Variants in DPYD observed in about 807,000 individuals in gnomAD.
DPYD encodes the protein dihydropyrimidine dehydrogenase [NADP(+)].
DPYD carries 109 observed loss-of-function variants against 116.2 expected under a neutral mutation model. That is an observed-to-expected ratio of 0.94 (90% confidence interval 0.80 to 1.10). The LOEUF (loss-of-function observed/expected upper bound fraction) is 1.10. Among genes scored for constraint, DPYD ranks in the 50% least tolerant of loss-of-function variants. The pLI, the probability that DPYD is intolerant of heterozygous loss-of-function variation, is 0.00. For synonymous variants in DPYD, 440 were observed against 432.0 expected (o/e 1.02, Z -0.23); for missense variants, 1,302 against 1,254.5 (o/e 1.04, Z -0.57).
chr1:97,153,983 A>AAAAG (rs1655232815), intron 20 of DPYD, among the ~76,000 whole-genome samples: 3 of 151,998 alleles, frequency 2.0e-5, no homozygotes, highest in Admixed American at 2.0e-4. Context: ...CAAAAAAAAA[A>AAAAG]AAAAAAGATG....
chr1:97,750,949 A>G (rs1664844057), intron 3 of DPYD, among the ~76,000 whole-genome samples: 1 of 152,164 alleles, frequency 6.6e-6, no homozygotes, highest in Admixed American at 6.5e-5. Context: ...TAAAGCTACC[A>G]TAAAAAAGGG....
rs1671126317 is a variant in DPYD, at chr1:97,367,991, AAT to A, written c.2058+5568_2058+5569del. Among the ~76,000 whole-genome samples the A allele has an allele frequency of 3.3e-5, 5 of 152,264 alleles. No individual in the cohort carries two copies. In the South Asian group the frequency reaches 1.0e-3, roughly 32 times the overall value. On this transcript the variant is annotated intron_variant, in intron 16 of 22. Transcript: ENST00000370192. Reference sequence around the variant, plus strand: ...CTCATGGAAAGTTTGATTGACTGATAATATACACCCAGCTCATGAATTAGAAT... The same window carrying A: ...CTCATGGAAAGTTTGATTGACTGATAATACACCCAGCTCATGAATTAGAAT...
At chr1:97,377,798 C>T (rs1376428834) in intron 15 of DPYD, among the ~76,000 whole-genome samples, 1 of 152,134 alleles carries the variant, frequency 6.6e-6, no homozygotes, top group Non-Finnish European at 1.5e-5. Flanking sequence ...ATTTGAGGAG[C>T]CATGAGGGCC....
intron 20 of DPYD, among the ~76,000 whole-genome samples, chr1:97,181,876 A>G (rs1657671203): frequency 6.6e-6 from 1 of 151,874 alleles, no homozygotes; most frequent in Non-Finnish European, 1.5e-5. Flanking sequence ...CTTTAGATAG[A>G]GGATTTCTCT....
intron 13 of DPYD, among the ~76,000 whole-genome samples, chr1:97,515,309 A>G (rs758892711): frequency 1.2e-4 from 18 of 151,936 alleles, no homozygotes; most frequent in Non-Finnish European, 2.2e-4. Context: ...TAAAGAATCT[A>G]TCTTATCACC....
At chr1:97,798,910 C>G (rs1246885207) in intron 3 of DPYD, among the ~76,000 whole-genome samples, 1 of 151,962 alleles carries the variant, frequency 6.6e-6, no homozygotes, top group Non-Finnish European at 1.5e-5. Context: ...GGCATTGTAA[C>G]AGGCAGACAG....
intron 3 of DPYD, among the ~76,000 whole-genome samples, chr1:97,742,346 T>C (rs1664313342): frequency 2.6e-5 from 4 of 152,154 alleles, no homozygotes; most frequent in African/African-American, 4.8e-5. Flanking sequence ...CTAATTAATA[T>C]CTTGTTTTTA....
intron 16 of DPYD, among the ~76,000 whole-genome samples, chr1:97,361,589 C>A (rs1163153504): frequency 1.3e-5 from 2 of 152,210 alleles, no homozygotes; most frequent in Non-Finnish European, 1.5e-5. Flanking sequence ...AGCAGCACAT[C>A]AAAAAGCTTA....
intron 3 of DPYD, among the ~76,000 whole-genome samples, chr1:97,792,361 C>G (rs1277702348): frequency 6.6e-6 from 1 of 151,900 alleles, no homozygotes; most frequent in Admixed American, 6.6e-5. Context: ...GCAACCTCCA[C>G]CCCCCAGGTT....
intron 11 of DPYD, among the ~76,000 whole-genome samples, chr1:97,550,979 G>C (rs1651276280): frequency 6.6e-6 from 1 of 152,140 alleles, no homozygotes; most frequent in Non-Finnish European, 1.5e-5. Context: ...GTTTACTGTT[G>C]ATTGTGTTTT....
intron 3 of DPYD, among the ~76,000 whole-genome samples, chr1:97,802,409 A>C (rs772338313): frequency 6.6e-6 from 1 of 151,810 alleles, no homozygotes; most frequent in Non-Finnish European, 1.5e-5. Flanking sequence ...GCTCCATACT[A>C]CCAGCAATCA....
chr1:97,096,459 G>T (rs1175011332), intron 21 of DPYD, among the ~76,000 whole-genome samples: 1 of 152,268 alleles, frequency 6.6e-6, no homozygotes, highest in East Asian at 1.9e-4. Context: ...ATTAAGAAGA[G>T]AGAGAAAGCT....
chr1:97,131,052 T>C (rs1318755353), intron 20 of DPYD, among the ~76,000 whole-genome samples: 1 of 152,028 alleles, frequency 6.6e-6, no homozygotes, highest in Non-Finnish European at 1.5e-5. Flanking sequence ...TGCTAGTAAG[T>C]TCTATTTCCT....
chr1:97,146,390 C>A (rs983324876), intron 20 of DPYD, among the ~76,000 whole-genome samples: 6 of 152,102 alleles, frequency 3.9e-5, no homozygotes, highest in African/African-American at 1.2e-4. Context: ...CTGTCAGAGA[C>A]AAACTGGCCT....
chr1:97,589,086 C>G (rs1472234697), intron 10 of DPYD, among the ~76,000 whole-genome samples: 1 of 152,162 alleles, frequency 6.6e-6, no homozygotes, highest in Non-Finnish European at 1.5e-5. Flanking sequence ...GTTTAACAAG[C>G]CCTCTAGGTG....
chr1:97,231,509 G>A (rs991365388), intron 19 of DPYD, among the ~76,000 whole-genome samples: 1 of 152,104 alleles, frequency 6.6e-6, no homozygotes, highest in African/African-American at 2.4e-5. Context: ...ATGTGCAGGG[G>A]AACTCCCCTT....
At chr1:97,190,988 T>C (rs1243645144) in intron 20 of DPYD, among the ~76,000 whole-genome samples, 1 of 152,020 alleles carries the variant, frequency 6.6e-6, no homozygotes, top group Non-Finnish European at 1.5e-5. Flanking sequence ...ATGCGGACAC[T>C]GTGAGGACCA....
At chr1:97,290,365 C>T (rs1304145084) in intron 18 of DPYD, among the ~76,000 whole-genome samples, 3 of 152,242 alleles carry the variant, frequency 2.0e-5, no homozygotes, top group Admixed American at 2.0e-4. Context: ...CAAAAGAGAG[C>T]CCACATCGCC....
chr1:97,473,540 A>C (rs1352437237), intron 13 of DPYD, among the ~76,000 whole-genome samples: 2 of 152,202 alleles, frequency 1.3e-5, no homozygotes, highest in African/African-American at 2.4e-5. Flanking sequence ...AGAGGTGCTC[A>C]ATAGTTCCAA....
Sources: gnomAD v4.1 joint callset for allele counts (sites outside exome capture counted in the v4.1 genomes callset) on GRCh38, gnomAD v4.1.1 for gene constraint, MANE v1.5 for transcripts, NCBI Gene and HGNC (gene_info 2026-07-23, HGNC 2026-07-21) for gene names.